DIS3L2: variants seen among roughly 807,000 people sequenced by gnomAD.
DIS3L2 encodes the protein DIS3-like exonuclease 2.
Under a neutral mutation model 97.5 loss-of-function variants are expected in DIS3L2, and 34 were observed. That is an observed-to-expected ratio of 0.35 (90% CI 0.27 to 0.46). The LOEUF (loss-of-function observed/expected upper bound fraction) is 0.46. Ranked by LOEUF, DIS3L2 falls within the 20% of genes least tolerant of loss-of-function variation. DIS3L2 has a pLI of 1.00. For missense variants in DIS3L2, 1,038 were observed against 1,146.0 expected (o/e 0.91, Z 1.36); for synonymous variants, 435 against 445.2 (o/e 0.98, Z 0.29).
chr2:232,276,332 TCTC>T lies in DIS3L2; in HGVS notation c.1659+12895_1659+12897del, dbSNP rs1694138531. Among the ~76,000 whole-genome samples, 1 of 152,204 alleles carries T rather than the reference TCTC, an allele frequency of 6.6e-6. No individual in the cohort carries two copies. Among genetic ancestry groups the T allele is most frequent in the Admixed American group, 6.5e-5 (1 of 15,286 alleles). On this transcript the variant is annotated intron_variant, in intron 13 of 20. Transcript: ENST00000325385. The surrounding 1 kb of genome is among the most constrained non-coding windows in gnomAD (Gnocchi z 4.4). The stretch of plus-strand genomic sequence containing the variant: ...ATAACAGGGCGCTCTCCCCTTTCAT[TCTC>T]CTGCCTGCCACCTGCCAGCCAAGCT...
At chr2:232,191,964 T>C (rs1691628718) in intron 9 of DIS3L2, among the ~76,000 whole-genome samples, 2 of 152,176 alleles carry the variant, frequency 1.3e-5, no homozygotes, top group African/African-American at 2.4e-5. Context: ...GGGCACATAG[T>C]AGGCACTCAC....
chr2:232,310,369 A>C, intron 14 of DIS3L2, among the ~76,000 whole-genome samples: 1 of 152,168 alleles, frequency 6.6e-6, no homozygotes, highest in East Asian at 1.9e-4. Flanking sequence ...GTGTGAGCTC[A>C]CTGTTCCACC....
chr2:232,130,220 A>G (rs1369279598), intron 6 of DIS3L2, among the ~76,000 whole-genome samples: 1 of 152,038 alleles, frequency 6.6e-6, no homozygotes, highest in African/African-American at 2.4e-5. Flanking sequence ...AACATTTATT[A>G]TGATTTTGTT....
chr2:232,045,091 G>A (rs1695201572), intron 5 of DIS3L2, among the ~76,000 whole-genome samples: 1 of 152,150 alleles, frequency 6.6e-6, no homozygotes, highest in African/African-American at 2.4e-5. Flanking sequence ...TGTGCAATAG[G>A]GATACCCAGC....
intron 12 of DIS3L2, among the ~76,000 whole-genome samples, chr2:232,253,740 TAAAA>T (rs532540754): frequency 6.6e-6 from 1 of 151,802 alleles, no homozygotes; most frequent in Non-Finnish European, 1.5e-5. Flanking sequence ...AAATAATGCC[TAAAA>T]AAAATCAGGA....
At chr2:231,977,489 C>T (rs1167158359) in intron 1 of DIS3L2, among the ~76,000 whole-genome samples, 1 of 152,180 alleles carries the variant, frequency 6.6e-6, no homozygotes, top group Non-Finnish European at 1.5e-5. Context: ...CCCACTTCCT[C>T]AGGCATCCAG....
intron 6 of DIS3L2, among the ~76,000 whole-genome samples, chr2:232,128,291 A>G (rs1698124243): frequency 6.6e-6 from 1 of 151,832 alleles, no homozygotes; most frequent in African/African-American, 2.4e-5. Context: ...TATTTATATG[A>G]TATTCCCACA....
chr2:232,170,142 G>A (rs904647099), intron 9 of DIS3L2, among the ~76,000 whole-genome samples: 1 of 152,110 alleles, frequency 6.6e-6, no homozygotes, highest in Non-Finnish European at 1.5e-5. Context: ...TTGAGGATCA[G>A]GAAGATAATA....
intron 16 of DIS3L2, 52 bp downstream of exon 16, chr2:232,330,828 C>A (rs779029262): frequency 2.9e-5 from 45 of 1,560,760 alleles, no homozygotes; most frequent in Non-Finnish European, 3.3e-5. Flanking sequence ...ACACTAGCCC[C>A]AGACCTGTGA....
chr2:232,242,341 G>A (rs529937239), intron 11 of DIS3L2, among the ~76,000 whole-genome samples: 2 of 152,182 alleles, frequency 1.3e-5, no homozygotes, highest in South Asian at 4.1e-4. Flanking sequence ...ATGGGTTATC[G>A]CACTGAAGGC....
At chr2:232,093,680 C>G (rs1385372028) in intron 6 of DIS3L2, among the ~76,000 whole-genome samples, 1 of 152,044 alleles carries the variant, frequency 6.6e-6, no homozygotes, top group Non-Finnish European at 1.5e-5. Context: ...TATATAGTTT[C>G]TCATAATATC....
At chr2:232,140,712 T>C (rs994536911) in intron 8 of DIS3L2, among the ~76,000 whole-genome samples, 1 of 152,332 alleles carries the variant, frequency 6.6e-6, no homozygotes, top group East Asian at 1.9e-4. Flanking sequence ...CCCTTTGCTG[T>C]AAGCATTGCT....
intron 5 of DIS3L2, among the ~76,000 whole-genome samples, chr2:232,047,890 C>T (rs1695286395): frequency 6.6e-6 from 1 of 152,220 alleles, no homozygotes; most frequent in African/African-American, 2.4e-5. Flanking sequence ...CGTTGTAGCA[C>T]ATATCAGTAC....
At chr2:232,032,039 C>T (rs766325200) in intron 5 of DIS3L2, among the ~76,000 whole-genome samples, 3 of 152,050 alleles carry the variant, frequency 2.0e-5, no homozygotes, top group South Asian at 2.1e-4. Flanking sequence ...GTGGGATTGC[C>T]GGGTCAAATG....
intron 6 of DIS3L2, among the ~76,000 whole-genome samples, chr2:232,091,517 C>T (rs965405097): frequency 3.9e-5 from 6 of 152,146 alleles, no homozygotes; most frequent in Non-Finnish European, 8.8e-5. Context: ...AGCACTCCAT[C>T]GTGTATATCT....
chr2:232,163,398 AC>A, intron 8 of DIS3L2, 60 bp from the exon 9 acceptor site: 2 of 1,544,330 alleles, frequency 1.3e-6, no homozygotes, highest in Non-Finnish European at 1.8e-6. Flanking sequence ...TAGAGAGGAG[AC>A]AGGTACCTAT....
intron 14 of DIS3L2, among the ~76,000 whole-genome samples, chr2:232,309,949 G>A (rs562071356): frequency 4.0e-4 from 61 of 152,298 alleles, no homozygotes; most frequent in African/African-American, 1.3e-3. Context: ...CCCCTGCTTG[G>A]TTCTTTGCCT....
chr2:232,257,601 G>A (rs904545140), intron 12 of DIS3L2, among the ~76,000 whole-genome samples: 6 of 152,094 alleles, frequency 3.9e-5, no homozygotes, highest in South Asian at 2.1e-4. Flanking sequence ...TTTTGCATAC[G>A]GAAGCCCGGA....
At chr2:232,036,462 A>C (rs1034419837) in intron 5 of DIS3L2, among the ~76,000 whole-genome samples, 1 of 152,188 alleles carries the variant, frequency 6.6e-6, no homozygotes, top group African/African-American at 2.4e-5. Context: ...ATTGAGTTAG[A>C]ACATGCTCCT....
Sources: allele counts gnomAD v4.1 joint callset (sites outside exome capture counted in the v4.1 genomes callset), GRCh38; gene constraint gnomAD v4.1.1; non-coding constraint Gnocchi (gnomAD v3.1); transcripts MANE v1.5; gene names NCBI Gene and HGNC (gene_info 2026-07-23, HGNC 2026-07-21).